OR4C3: variants seen among roughly 807,000 people sequenced by gnomAD.
The protein encoded by OR4C3 is olfactory receptor 4C3.
For missense variants in OR4C3, 439 were observed against 360.7 expected, an observed-to-expected ratio of 1.22 and a Z score of -1.76; for synonymous variants, 186 against 140.1, an observed-to-expected ratio of 1.33 and a Z score of -2.31.
Position 48,325,872 on chromosome 11 carries a change from T to C in OR4C3, c.851T>C (p.Ile284Thr), listed in dbSNP as rs141079482. ...GILTPMLNPL[I>T]YTLRNEEVKN... ...CTGACACCTATGTTGAATCCACTCATTTATACCCTGAGAAATGAAGAGGTA... is the reference window on the plus strand; with the variant it reads ...CTGACACCTATGTTGAATCCACTCACTTATACCCTGAGAAATGAAGAGGTA... The change falls in exon 1 of 1, where the codon ATT becomes ACT. Residue 284 changes from isoleucine (I) to threonine (T), a missense_variant. Coordinates refer to ENST00000319856, the MANE Select transcript of OR4C3 (RefSeq NM_001004702.2). 3.6e-5 allele frequency: 56 copies of C among 1,538,748 alleles called. No homozygotes were observed. The African/African-American group carries it at 6.6e-4, about 18-fold the overall frequency.
rs1322541321 is a variant in OR4C3, at chr11:48,325,214, T to C, written c.193T>C (p.Ser65Pro). 4 of 1,614,142 alleles carry C rather than the reference T, an allele frequency of 2.5e-6. No individual in the cohort carries two copies. The highest frequency in any genetic ancestry group is 2.5e-6 in the Non-Finnish European group (3 of 1,180,022). ...TGTGTATTTTTTCCTGGCCAACCTA[T>C]CCTTTATTGACACCTTTTATTCTTC... ...SPVYFFLANL[S>P]FIDTFYSSSM... Residue 65 changes from serine to proline, a missense_variant, in exon 1 of 1, where the codon TCC (serine) becomes CCC (proline). Coordinates refer to ENST00000319856, the MANE Select transcript of OR4C3 (RefSeq NM_001004702.2).
At position 48,325,868 on chromosome 11, in the gene OR4C3, C is replaced by T. The variant is rs764612389; in HGVS notation, c.847C>T (p.Leu283Phe). ...YGILTPMLNP[L>F]IYTLRNEEVK... is the part of the protein sequence containing the mutation. Reference sequence around the variant, plus strand: ...TATTCTGACACCTATGTTGAATCCACTCATTTATACCCTGAGAAATGAAGA... The same window carrying T: ...TATTCTGACACCTATGTTGAATCCATTCATTTATACCCTGAGAAATGAAGA... The change falls in exon 1 of 1, where the codon CTC becomes TTC. Residue 283 changes from leucine to phenylalanine, a missense_variant. Transcript: ENST00000319856. 5 of 1,557,346 alleles carry T rather than the reference C, an allele frequency of 3.2e-6. No individual in the cohort carries two copies. The highest frequency in any genetic ancestry group is 1.7e-4 in the Middle Eastern group (1 of 5,754).
chr11:48,325,728 C>T lies in OR4C3; in HGVS notation c.707C>T (p.Ser236Phe). The change falls in exon 1 of 1, where the codon TCC (serine) becomes TTC (phenylalanine). Residue 236 changes from serine (S) to phenylalanine (F), a missense_variant. Ser to Phe is a radical substitution (Grantham distance 155). Coordinates refer to ENST00000319856, the MANE Select transcript of OR4C3 (RefSeq NM_001004702.2). ...HSADGRCKAL[S>F]TCGAHFIVVA... is the part of the protein sequence containing the mutation. Reference sequence around the variant, plus strand: ...GCAGATGGGAGATGCAAAGCCCTCTCCACCTGTGGAGCCCACTTCATTGTT... The same window carrying T: ...GCAGATGGGAGATGCAAAGCCCTCTTCACCTGTGGAGCCCACTTCATTGTT... The T allele has an allele frequency of 6.2e-7, 1 of 1,613,918 alleles. No individual in the cohort carries two copies. Among genetic ancestry groups the T allele is most frequent in the Non-Finnish European group, 8.5e-7 (1 of 1,179,866 alleles).
rs868384038 is a variant in OR4C3, at chr11:48,325,277, G to A, written c.256G>A (p.Glu86Lys). 3 of 1,614,116 alleles carry A rather than the reference G, an allele frequency of 1.9e-6. No individual in the cohort carries two copies. Among genetic ancestry groups the A allele is most frequent in the Non-Finnish European group, 2.5e-6 (3 of 1,180,012 alleles). Residue 86 changes from glutamate to lysine, a missense_variant, in exon 1 of 1, where the codon GAG (glutamate) becomes AAG (lysine). Coordinates refer to ENST00000319856, the MANE Select transcript of OR4C3 (RefSeq NM_001004702.2). Reference protein sequence around the residue: ...APKLIADSLYEGRTISYECCM... With the variant: ...APKLIADSLYKGRTISYECCM... The stretch of plus-strand genomic sequence containing the variant: ...TAAACTCATTGCTGACTCATTGTAT[G>A]AGGGGAGAACCATCTCTTATGAGTG...
Position 48,325,564 on chromosome 11 carries a change from T to G in OR4C3, c.543T>G (p.Pro181=). The G allele has an allele frequency of 1.2e-6, 2 of 1,613,984 alleles. No homozygotes were observed. Among genetic ancestry groups the G allele is most frequent in the Non-Finnish European group, 1.7e-6 (2 of 1,179,954 alleles). The change falls in exon 1 of 1, where the codon CCT becomes CCG. Residue 181 remains proline, a synonymous_variant. Transcript: ENST00000319856. ...ATCACTTTGCCTGTGACTTGTACCC[T>G]TTGCTGGAAGTTGCCTGCACCAATA... The part of the protein sequence containing the change: ...VINHFACDLY[P]LLEVACTNTY...
At position 48,325,052 on chromosome 11, in the gene OR4C3, T is replaced by G. The variant is rs75647397; in HGVS notation, c.31T>G (p.Phe11Val). Residue 11 changes from phenylalanine (F) to valine (V), a missense_variant, in exon 1 of 1, where the codon TTC (phenylalanine) becomes GTC (valine). Physicochemically the swap from Phe to Val is conservative, Grantham distance 50. Transcript: ENST00000319856. MDIPQNITEFFMLGLSQNSEV... is the reference protein window; with the variant it reads MDIPQNITEFVMLGLSQNSEV... ...CATACCACAAAATATCACAGAATTT[T>G]TCATGCTGGGGCTCTCACAGAACTC... 4 of 1,614,058 alleles carry G rather than the reference T, an allele frequency of 2.5e-6. No individual in the cohort carries two copies. In the Admixed American group the frequency reaches 5.0e-5, roughly 20 times the overall value.
In OR4C3 at chr11:48,325,851, C is replaced by A. The variant is rs759743842; in HGVS notation, c.830C>A (p.Thr277Lys). The change falls in exon 1 of 1, where the codon ACA becomes AAA. Residue 277 changes from threonine to lysine, a missense_variant. Coordinates refer to ENST00000319856, the MANE Select transcript of OR4C3 (RefSeq NM_001004702.2). The part of the protein sequence containing the change: ...KNMALFYGIL[T>K]PMLNPLIYTL... ...ATGGCATTATTTTATGGTATTCTGACACCTATGTTGAATCCACTCATTTAT... is the reference window on the plus strand; with the variant it reads ...ATGGCATTATTTTATGGTATTCTGAAACCTATGTTGAATCCACTCATTTAT... 7.5e-6 allele frequency: 12 copies of A among 1,589,424 alleles called. No homozygotes were observed. The highest frequency in any genetic ancestry group is 5.2e-5 in the Admixed American group (3 of 57,244).
At position 48,325,135 on chromosome 11, in the gene OR4C3, T is replaced by C. The variant is rs200595801; in HGVS notation, c.114T>C (p.Cys38=). 1.8e-5 allele frequency: 29 copies of C among 1,597,638 alleles called. No homozygotes were observed. The East Asian group carries it at 6.3e-4, about 35-fold the overall frequency. The change falls in exon 1 of 1, where the codon TGT becomes TGC. Residue 38 remains cysteine, a synonymous_variant. Coordinates refer to ENST00000319856, the MANE Select transcript of OR4C3 (RefSeq NM_001004702.2). ...TGCTGATCTATGTGGTCACGGTTTG[T>C]GGCAACATGCTCATTGTGGTCACTA... is the stretch of plus-strand genomic sequence containing the variant. ...VFLLIYVVTV[C]GNMLIVVTIT... is the part of the protein sequence containing the mutation.
At position 48,325,213 on chromosome 11, in the gene OR4C3, A is replaced by G. The variant is rs764518273; in HGVS notation, c.192A>G (p.Leu64=). 3.1e-6 allele frequency: 5 copies of G among 1,613,974 alleles called. No individual in the cohort carries two copies. The highest frequency in any genetic ancestry group is 4.2e-6 in the Non-Finnish European group (5 of 1,179,986). Residue 64 remains leucine (L), a synonymous_variant, in exon 1 of 1, where the codon CTA becomes CTG. Coordinates refer to ENST00000319856, the MANE Select transcript of OR4C3 (RefSeq NM_001004702.2). ...CTGTGTATTTTTTCCTGGCCAACCT[A>G]TCCTTTATTGACACCTTTTATTCTT... is the stretch of plus-strand genomic sequence containing the variant. ...ASPVYFFLAN[L]SFIDTFYSSS...
rs558757638 is a variant in OR4C3 at position 48,325,504 on chromosome 11, C to T, written c.483C>T (p.Val161=). 2.5e-6 allele frequency: 4 copies of T among 1,613,708 alleles called. No homozygotes were observed. Among genetic ancestry groups the T allele is most frequent in the Non-Finnish European group, 3.4e-6 (4 of 1,179,784 alleles). ...FLHSLVQLLL[V]LWLPFCGPNV... ...ATTCATTGGTTCAGCTCCTCCTGGT[C>T]CTTTGGTTGCCCTTCTGTGGGCCCA... Residue 161 remains valine (V), a synonymous_variant, in exon 1 of 1, where the codon GTC becomes GTT. Transcript: ENST00000319856.
At position 48,325,382 on chromosome 11, in the gene OR4C3, T is replaced by C. The variant is rs1162752727; in HGVS notation, c.361T>C (p.Tyr121His). The C allele has an allele frequency of 1.2e-6, 2 of 1,614,164 alleles. No individual in the cohort carries two copies. The highest frequency in any genetic ancestry group is 1.7e-6 in the Non-Finnish European group (2 of 1,180,008). The change falls in exon 1 of 1, where the codon TAT becomes CAT. Residue 121 changes from tyrosine (Y) to histidine (H), a missense_variant. By Grantham distance (83) the Tyr-to-His change is moderately conservative (BLOSUM62 2). Transcript: ENST00000319856. ...ILLTVMAYDR[Y>H]VAICKPLHNT... ...GCTCACAGTGATGGCTTATGACCGCTATGTGGCCATCTGTAAGCCCCTGCA... is the reference window on the plus strand; with the variant it reads ...GCTCACAGTGATGGCTTATGACCGCCATGTGGCCATCTGTAAGCCCCTGCA...
Position 48,325,733 on chromosome 11 carries a change from T to C in OR4C3, c.712T>C (p.Cys238Arg), listed in dbSNP as rs1852210627. ...TGGGAGATGCAAAGCCCTCTCCACC[T>C]GTGGAGCCCACTTCATTGTTGTTGC... ...ADGRCKALST[C>R]GAHFIVVALF... Residue 238 changes from cysteine (C) to arginine (R), a missense_variant, in exon 1 of 1, where the codon TGT becomes CGT. Transcript: ENST00000319856. 15 of 1,613,676 alleles carry C rather than the reference T, an allele frequency of 9.3e-6. No homozygotes were observed. Among genetic ancestry groups the C allele is most frequent in the Non-Finnish European group, 1.3e-5 (15 of 1,179,680 alleles).
Position 48,325,289 on chromosome 11 carries a change from A to G in OR4C3, c.268A>G (p.Ile90Val), listed in dbSNP as rs1216741591. The G allele has an allele frequency of 1.2e-6, 2 of 1,614,018 alleles. No homozygotes were observed. Among genetic ancestry groups the G allele is most frequent in the Non-Finnish European group, 8.5e-7 (1 of 1,180,022 alleles). Residue 90 changes from isoleucine to valine, a missense_variant, in exon 1 of 1, where the codon ATC (isoleucine) becomes GTC (valine). Coordinates refer to ENST00000319856, the MANE Select transcript of OR4C3 (RefSeq NM_001004702.2). ...TGACTCATTGTATGAGGGGAGAACC[A>G]TCTCTTATGAGTGCTGCATGGCTCA... is the stretch of plus-strand genomic sequence containing the variant. ...IADSLYEGRT[I>V]SYECCMAQLF... is the part of the protein sequence containing the mutation.
chr11:48,325,206 C>T lies in OR4C3; in HGVS notation c.185C>T (p.Ala62Val), dbSNP rs745904328. The change falls in exon 1 of 1, where the codon GCC (alanine) becomes GTC (valine). Residue 62 changes from alanine (A) to valine (V), a missense_variant. Coordinates refer to ENST00000319856, the MANE Select transcript of OR4C3 (RefSeq NM_001004702.2). ...TLASPVYFFL[A>V]NLSFIDTFYS... ...GCTTCCCCTGTGTATTTTTTCCTGG[C>T]CAACCTATCCTTTATTGACACCTTT... 6.8e-6 allele frequency: 11 copies of T among 1,614,032 alleles called. No homozygotes were observed. The Admixed American group carries it at 1.2e-4, about 17-fold the overall frequency.
In OR4C3 at chr11:48,324,989, A is replaced by G; in HGVS notation, c.-33A>G. The G allele has an allele frequency of 6.2e-7, 1 of 1,612,712 alleles. No individual in the cohort carries two copies. Among genetic ancestry groups the G allele is most frequent in the Non-Finnish European group, 8.5e-7 (1 of 1,179,284 alleles). ...GTTTCTCCTTGTCTTTATAGGCAAT[A>G]CTGCACCTGCATTCTCAGTGACCTT... On this transcript the variant is annotated 5_prime_UTR_variant, in exon 1 of 1. The change creates a new upstream start codon in the 5' untranslated region. Transcript: ENST00000319856.
Position 48,325,297 on chromosome 11 carries a change from T to G in OR4C3, c.276T>G (p.Tyr92Ter). Reference protein sequence around the residue: ...DSLYEGRTISYECCMAQLFGA... With the variant: ...DSLYEGRTIS ...TGTATGAGGGGAGAACCATCTCTTA[T>G]GAGTGCTGCATGGCTCAGCTCTTTG... Residue 92 changes from tyrosine to a stop codon, truncating the protein, a stop_gained, in exon 1 of 1, where the codon TAT (tyrosine) becomes TAG (stop). Transcript: ENST00000319856. LOFTEE classifies it low-confidence loss of function (END_TRUNC). The G allele has an allele frequency of 6.2e-7, 1 of 1,614,226 alleles. No individual in the cohort carries two copies. Among genetic ancestry groups the G allele is most frequent in the Non-Finnish European group, 8.5e-7 (1 of 1,180,034 alleles).
Position 48,325,702 on chromosome 11 carries a change from T to C in OR4C3, c.681T>C (p.Ser227=). Residue 227 remains serine (S), a synonymous_variant, in exon 1 of 1, where the codon AGT becomes AGC. Coordinates refer to ENST00000319856, the MANE Select transcript of OR4C3 (RefSeq NM_001004702.2). The part of the protein sequence containing the change: ...IVILYSLRSH[S]ADGRCKALST... ...TCCTGTACTCCTTGAGGTCCCACAG[T>C]GCAGATGGGAGATGCAAAGCCCTCT... The C allele has an allele frequency of 6.2e-7, 1 of 1,613,976 alleles. No homozygotes were observed. The highest frequency in any genetic ancestry group is 8.5e-7 in the Non-Finnish European group (1 of 1,179,854).
In OR4C3 at chr11:48,325,888, T is replaced by C. The variant is rs746487989; in HGVS notation, c.867T>C (p.Asn289=). 9.9e-6 allele frequency: 15 copies of C among 1,516,830 alleles called. No homozygotes were observed. In the Admixed American group the frequency reaches 3.2e-4, roughly 32 times the overall value. The allele number at this position is 1,516,830 out of a possible 1,614,324, so 94.0% of individuals were successfully genotyped here. A position where few individuals can be genotyped will look rare whatever the true frequency, so the allele number is the denominator to read the frequency against. Residue 289 remains asparagine (N), a synonymous_variant, in exon 1 of 1, where the codon AAT becomes AAC. Coordinates refer to ENST00000319856, the MANE Select transcript of OR4C3 (RefSeq NM_001004702.2). ...MLNPLIYTLR[N]EEVKNAMRKL... ...ATCCACTCATTTATACCCTGAGAAA[T>C]GAAGAGGTAAAAAATGCCATGAGAA...
rs753046088 is a variant in OR4C3, at chr11:48,325,142, A to G, written c.121A>G (p.Met41Val). 2.5e-6 allele frequency: 4 copies of G among 1,614,136 alleles called. No individual in the cohort carries two copies. Among genetic ancestry groups the G allele is most frequent in the Non-Finnish European group, 3.4e-6 (4 of 1,180,024 alleles). ...CTATGTGGTCACGGTTTGTGGCAAC[A>G]TGCTCATTGTGGTCACTATCACCTC... ...LIYVVTVCGN[M>V]LIVVTITSSP... The change falls in exon 1 of 1, where the codon ATG becomes GTG. Residue 41 changes from methionine to valine, a missense_variant. Physicochemically the swap from Met to Val is conservative, Grantham distance 21. Transcript: ENST00000319856.
Sources: gnomAD v4.1 joint callset for allele counts on GRCh38, gnomAD v4.1.1 for gene constraint, MANE v1.5 for transcripts, NCBI Gene and HGNC (gene_info 2026-07-23, HGNC 2026-07-21) for gene names.